RGS6: variants seen among roughly 807,000 people sequenced by gnomAD.
The protein encoded by RGS6 is regulator of G protein signaling 6.
RGS6 carries 30 observed loss-of-function variants against 78.5 expected under a neutral mutation model. The ratio of observed to expected loss-of-function variants is 0.38; its 90% confidence interval spans 0.29 to 0.52. The LOEUF (loss-of-function observed/expected upper bound fraction) is 0.52, where lower values mean the gene tolerates loss of function less well. Ranked by LOEUF, RGS6 falls within the 20% of genes least tolerant of loss-of-function variation. RGS6 has a pLI of 0.85. For synonymous variants in RGS6, 206 were observed against 206.0 expected (o/e 1.00, Z 0.00); for missense variants, 495 against 609.7 (o/e 0.81, Z 1.98).
intron 2 of RGS6, among the ~76,000 whole-genome samples, chr14:72,232,023 G>A (rs1009756480): frequency 6.6e-6 from 1 of 152,174 alleles, no homozygotes; most frequent in African/African-American, 2.4e-5. Context: ...CTGTATGAAG[G>A]GATACTGGGA....
intron 13 of RGS6, among the ~76,000 whole-genome samples, chr14:72,495,700 C>T (rs2096636216): frequency 2.0e-5 from 3 of 152,164 alleles, no homozygotes; most frequent in Admixed American, 6.5e-5. Flanking sequence ...GAAACTGAGG[C>T]ACAGAGGAGT....
intron 3 of RGS6, among the ~76,000 whole-genome samples, chr14:72,418,203 G>T (rs7143818): frequency 0.14 from 20,708 of 150,568 alleles, 1,954 homozygotes; most frequent in African/African-American, 0.27. Context: ...ATCTCACTCT[G>T]TTGCCCAGGT....
intron 3 of RGS6, among the ~76,000 whole-genome samples, chr14:72,355,186 T>C (rs72724086): frequency 0.018 from 2,749 of 151,262 alleles, 30 homozygotes; most frequent in Non-Finnish European, 0.03. Context: ...ATTTTTAAAA[T>C]TTCCTCTGGT....
At chr14:72,021,464 CTT>C (rs533727083) in intron 2 of RGS6, among the ~76,000 whole-genome samples, 11,699 of 121,550 alleles carry the variant, frequency 0.096, 376 homozygotes, top group East Asian at 0.33. Flanking sequence ...CTTTTTCTAA[CTT>C]TTTTTTTTTT....
the RGS6 span, among the ~76,000 whole-genome samples, chr14:71,906,338 C>T: frequency 6.6e-6 from 1 of 152,320 alleles, no homozygotes; most frequent in Admixed American, 6.5e-5. Context: ...GCTCTGTTCA[C>T]CTCCTGGCTC....
chr14:72,629,769 C>T, the RGS6 span: 1 of 1,487,474 alleles, frequency 6.7e-7, no homozygotes, highest in Non-Finnish European at 9.1e-7. Flanking sequence ...GCATTAGGGC[C>T]AAAGTATGAA....
At chr14:72,022,166 G>A (rs575776757) in intron 2 of RGS6, among the ~76,000 whole-genome samples, 9 of 152,054 alleles carry the variant, frequency 5.9e-5, no homozygotes, top group Admixed American at 2.0e-4. Context: ...TTCTTTACCC[G>A]GTCTGTCATT....
At chr14:72,046,180 G>A (rs936206165) in intron 2 of RGS6, among the ~76,000 whole-genome samples, 1 of 148,920 alleles carries the variant, frequency 6.7e-6, no homozygotes, top group African/African-American at 2.5e-5. Flanking sequence ...AGGGAGAAAT[G>A]TCCTCCCTGA....
the RGS6 span, among the ~76,000 whole-genome samples, chr14:71,899,479 G>T: frequency 2.0e-5 from 3 of 152,208 alleles, no homozygotes; most frequent in African/African-American, 7.2e-5. Context: ...TGAGTAACAA[G>T]TATGTTGTTT....
At chr14:72,532,609 A>G (rs908270693) in intron 15 of RGS6, among the ~76,000 whole-genome samples, 1 of 152,252 alleles carries the variant, frequency 6.6e-6, no homozygotes, top group African/African-American at 2.4e-5. Context: ...AGGTGTGAAT[A>G]CAAAGAAAAG....
Position 72,210,066 on chromosome 14 carries a change from G to C in RGS6, c.85-142029G>C, listed in dbSNP as rs1041053431. Among the ~76,000 whole-genome samples the C allele has an allele frequency of 5.3e-5, 8 of 152,314 alleles. No homozygotes were observed. In the South Asian group the frequency reaches 1.7e-3, roughly 32 times the overall value. The stretch of plus-strand genomic sequence containing the variant: ...AGGAAGAGGATCTCTTGTCTTGAAG[G>C]AGCTGAAAATTGAGTTGAGTTATCC... On this transcript the variant is annotated intron_variant, in intron 2 of 17. Coordinates refer to ENST00000553525, the MANE Select transcript of RGS6 (RefSeq NM_001204424.2).
At chr14:72,140,818 G>A (rs2096528759) in intron 2 of RGS6, among the ~76,000 whole-genome samples, 2 of 152,304 alleles carry the variant, frequency 1.3e-5, no homozygotes. Flanking sequence ...TGAATCTGAG[G>A]ATGCGGGCAA....
chr14:72,524,829 T>G (rs1041889441), intron 15 of RGS6, among the ~76,000 whole-genome samples: 30 of 152,194 alleles, frequency 2.0e-4, no homozygotes, highest in African/African-American at 7.2e-4. Context: ...AGGATTGGAT[T>G]GGAAATCTGT....
intron 2 of RGS6, among the ~76,000 whole-genome samples, chr14:71,983,496 C>T (rs886552307): frequency 6.6e-6 from 1 of 152,206 alleles, no homozygotes; most frequent in African/African-American, 2.4e-5. Flanking sequence ...GGATAGAAAT[C>T]TGAAATCAAG....
At chr14:72,588,235 G>A in the RGS6 span, among the ~76,000 whole-genome samples, 1 of 152,108 alleles carries the variant, frequency 6.6e-6, no homozygotes. Context: ...GAGCTCACCT[G>A]TGGGAGTACT....
At chr14:72,141,582 A>G (rs2096540013) in intron 2 of RGS6, among the ~76,000 whole-genome samples, 1 of 151,888 alleles carries the variant, frequency 6.6e-6, no homozygotes, top group African/African-American at 2.4e-5. Flanking sequence ...CATGCTGGTG[A>G]CTCCTTGAGC....
At chr14:72,265,209 T>C (rs939486851) in intron 2 of RGS6, among the ~76,000 whole-genome samples, 2 of 152,164 alleles carry the variant, frequency 1.3e-5, no homozygotes, top group African/African-American at 4.8e-5. Context: ...TGGTGTTAAA[T>C]TAGTGGGGTG....
chr14:72,043,212 G>A (rs1220745983), intron 2 of RGS6, among the ~76,000 whole-genome samples: 1 of 151,924 alleles, frequency 6.6e-6, no homozygotes, highest in East Asian at 1.9e-4. Flanking sequence ...GCTTTTAATT[G>A]TCTTATGTTA....
chr14:72,480,206 C>T (rs1218429213), intron 12 of RGS6, among the ~76,000 whole-genome samples: 1 of 152,168 alleles, frequency 6.6e-6, no homozygotes, highest in Non-Finnish European at 1.5e-5. Flanking sequence ...GCCTGCTACT[C>T]AGGCTGACCT....
Sources: allele counts gnomAD v4.1 joint callset (sites outside exome capture counted in the v4.1 genomes callset), GRCh38; gene constraint gnomAD v4.1.1; transcripts MANE v1.5; gene names NCBI Gene and HGNC (gene_info 2026-07-23, HGNC 2026-07-21).